The following PARD3B variants were observed in gnomAD, a reference collection of about 807,000 sequenced individuals.
The protein encoded by PARD3B is par-3 family cell polarity regulator beta.
A neutral mutation model predicts 130.2 loss-of-function variants in PARD3B; 103 were observed. That is an observed-to-expected ratio of 0.79 (90% confidence interval 0.67 to 0.93). The LOEUF (loss-of-function observed/expected upper bound fraction) is 0.93. PARD3B is among the 40% of genes least tolerant of loss of function. PARD3B has a pLI of 0.00. For missense variants in PARD3B, 1,609 were observed against 1,499.2 expected (o/e 1.07, Z -1.21); for synonymous variants, 583 against 553.2 (o/e 1.05, Z -0.76).
intron 1 of PARD3B, among the ~76,000 whole-genome samples, chr2:204,612,857 T>A (rs1297370865): frequency 6.6e-6 from 1 of 152,032 alleles, no homozygotes. Context: ...TAAGACCTTT[T>A]CAGGTGATCT....
intron 1 of PARD3B, among the ~76,000 whole-genome samples, chr2:204,552,878 T>C (rs541514017): frequency 6.6e-6 from 1 of 152,318 alleles, no homozygotes; most frequent in African/African-American, 2.4e-5. Context: ...TTTATACTAG[T>C]ACCGTGCTGT....
chr2:205,536,855 G>A (rs181951858), intron 21 of PARD3B, among the ~76,000 whole-genome samples: 6 of 152,190 alleles, frequency 3.9e-5, no homozygotes, highest in East Asian at 1.9e-4. Context: ...AGAGTTCTGG[G>A]GCTTCAAACA....
rs533665446 is a variant in PARD3B, at chr2:205,405,622, T to G, written c.2741+4499T>G. On this transcript the variant is annotated intron_variant, in intron 19 of 22. Transcript: ENST00000406610. The surrounding 1 kb of genome is among the most constrained non-coding windows in gnomAD (Gnocchi z 4.1). Reference sequence around the variant, plus strand: ...CAAGAATAATTTTTTTCGTTAAAATTTATTTTTAACCTTGGCCTGCTGAGC... The same window carrying G: ...CAAGAATAATTTTTTTCGTTAAAATGTATTTTTAACCTTGGCCTGCTGAGC... Among the ~76,000 whole-genome samples, 18 of 152,340 alleles carry G rather than the reference T, an allele frequency of 1.2e-4. No individual in the cohort carries two copies. The highest frequency in any genetic ancestry group is 3.4e-3 in the Middle Eastern group (1 of 294).
At chr2:205,428,340 G>A (rs779346267) in intron 19 of PARD3B, among the ~76,000 whole-genome samples, 15 of 152,220 alleles carry the variant, frequency 9.9e-5, no homozygotes, top group East Asian at 1.9e-4. Context: ...AGATTATGCA[G>A]TAGCATTCCT....
At chr2:205,487,708 T>C (rs2049499774) in intron 20 of PARD3B, among the ~76,000 whole-genome samples, 1 of 152,226 alleles carries the variant, frequency 6.6e-6, no homozygotes, top group Non-Finnish European at 1.5e-5. Context: ...TCCCAAGGTT[T>C]CATGGCCTGC....
intron 18 of PARD3B, among the ~76,000 whole-genome samples, chr2:205,312,698 A>G (rs1392397760): frequency 2.6e-5 from 4 of 152,164 alleles, no homozygotes; most frequent in African/African-American, 9.7e-5. Flanking sequence ...TCTCTTTCAC[A>G]ATGTGAGCCA....
Position 205,562,330 on chromosome 2 carries a change from C to G in PARD3B, c.3260+8927C>G, listed in dbSNP as rs1474450296. Among the ~76,000 whole-genome samples the G allele has an allele frequency of 6.6e-6, 1 of 152,210 alleles. No homozygotes were observed. The highest frequency in any genetic ancestry group is 2.4e-5 in the African/African-American group (1 of 41,462). On this transcript the variant is annotated intron_variant, in intron 22 of 22. Coordinates refer to ENST00000406610, the MANE Select transcript of PARD3B (RefSeq NM_001302769.2). This position sits in a 1 kb window ranked among gnomAD's most constrained non-coding sequence, Gnocchi z 5.4. ...ATTAGTGATTTAAAACATGTTAAGA[C>G]TCATACAGTAGTGATGTCCCCAAAG...
At chr2:205,051,732 G>A (rs1699205328) in intron 4 of PARD3B, among the ~76,000 whole-genome samples, 1 of 152,134 alleles carries the variant, frequency 6.6e-6, no homozygotes, top group African/African-American at 2.4e-5. Context: ...CAGACATGCT[G>A]GAGTTTTAAA....
intron 19 of PARD3B, among the ~76,000 whole-genome samples, chr2:205,431,056 A>G (rs1452832071): frequency 6.6e-6 from 1 of 152,232 alleles, no homozygotes. Flanking sequence ...AATATATTTA[A>G]AATATGACAG....
intron 2 of PARD3B, among the ~76,000 whole-genome samples, chr2:204,924,829 G>A (rs563899173): frequency 6.6e-6 from 1 of 152,134 alleles, no homozygotes; most frequent in South Asian, 2.1e-4. Flanking sequence ...TCACAGTAAT[G>A]GAATGATCAG....
chr2:205,501,352 G>A (rs2050153902), intron 21 of PARD3B, among the ~76,000 whole-genome samples: 1 of 152,142 alleles, frequency 6.6e-6, no homozygotes, highest in African/African-American at 2.4e-5. Flanking sequence ...TCTTATTATA[G>A]ATGTTAGGAT....
rs1459592594 is a variant in PARD3B, at chr2:205,344,898, A to G, written c.2630+43197A>G. On this transcript the variant is annotated intron_variant, in intron 18 of 22. Transcript: ENST00000406610. Reference sequence around the variant, plus strand: ...AAAAGCTCACGTCTGAAAGTTGGGTAACGAGGAATTTTATCTTTTAACTCT... The same window carrying G: ...AAAAGCTCACGTCTGAAAGTTGGGTGACGAGGAATTTTATCTTTTAACTCT... 2.0e-5 allele frequency among the ~76,000 whole-genome samples: 3 copies of G among 152,204 alleles called. No individual in the cohort carries two copies. The East Asian group carries it at 5.8e-4, about 29-fold the overall frequency.
At chr2:205,450,007 C>T (rs533591242) in intron 20 of PARD3B, among the ~76,000 whole-genome samples, 9 of 152,264 alleles carry the variant, frequency 5.9e-5, no homozygotes, top group African/African-American at 2.2e-4. Flanking sequence ...ATTTATCTTT[C>T]CAGGGCCTTG....
At chr2:204,939,972 T>G (rs1341813159) in intron 2 of PARD3B, among the ~76,000 whole-genome samples, 2 of 152,220 alleles carry the variant, frequency 1.3e-5, no homozygotes, top group African/African-American at 4.8e-5. Context: ...TATTTTACTG[T>G]AGAAACAAAT....
chr2:205,198,375 C>A (rs957646680), intron 15 of PARD3B, among the ~76,000 whole-genome samples: 6 of 152,134 alleles, frequency 3.9e-5, no homozygotes, highest in African/African-American at 1.4e-4. Flanking sequence ...GTTAACATTC[C>A]ATGTCTCATA....
intron 16 of PARD3B, among the ~76,000 whole-genome samples, chr2:205,293,281 T>C (rs2041675978): frequency 6.6e-6 from 1 of 152,212 alleles, no homozygotes; most frequent in Non-Finnish European, 1.5e-5. Flanking sequence ...TTATGCCTTA[T>C]TTTGAGAGTA....
intron 1 of PARD3B, chr2:204,557,893 C>T (rs2031033026): frequency 6.6e-6 from 1 of 152,142 alleles, no homozygotes; most frequent in African/African-American, 2.4e-5. Flanking sequence ...AATGTTTTTG[C>T]TTCATGCAGG....
intron 3 of PARD3B, among the ~76,000 whole-genome samples, chr2:205,023,959 G>C (rs1033513134): frequency 6.6e-6 from 1 of 151,938 alleles, no homozygotes; most frequent in Non-Finnish European, 1.5e-5. Flanking sequence ...CATATACTAG[G>C]TGTGTGGTGA....
chr2:204,626,580 A>T (rs2034495076), intron 1 of PARD3B, among the ~76,000 whole-genome samples: 2 of 152,126 alleles, frequency 1.3e-5, no homozygotes, highest in Non-Finnish European at 2.9e-5. Context: ...AAGTCTGGGT[A>T]AAAACAAACC....
Sources: allele counts gnomAD v4.1 joint callset (sites outside exome capture counted in the v4.1 genomes callset), GRCh38; gene constraint gnomAD v4.1.1; non-coding constraint Gnocchi (gnomAD v3.1); transcripts MANE v1.5; gene names NCBI Gene and HGNC (gene_info 2026-07-23, HGNC 2026-07-21).